The following P4HA3 variants were observed in gnomAD, a reference collection of about 807,000 sequenced individuals.
P4HA3 encodes prolyl 4-hydroxylase subunit alpha-3.
In P4HA3, 60 loss-of-function variants were observed where a neutral mutation model predicts 66.7. The ratio of observed to expected loss-of-function variants is 0.90; its 90% CI spans 0.73 to 1.12. P4HA3 has a LOEUF of 1.12. P4HA3 is among the 50% of genes most tolerant of loss of function. P4HA3 has a pLI of 0.00. For missense variants in P4HA3, 683 were observed against 685.8 expected (o/e 1.00, Z 0.05); for synonymous variants, 263 against 274.6 (o/e 0.96, Z 0.42).
chr11:74,298,372 C>G lies in P4HA3; in HGVS notation c.568-11G>C. The G allele has an allele frequency of 6.2e-7, 1 of 1,611,292 alleles. No homozygotes were observed. The highest frequency in any genetic ancestry group is 8.5e-7 in the Non-Finnish European group (1 of 1,178,796). ...CATGTCATAGGCCACCTACACAGAA[C>G]ACAAGTACCATCGCCAAAGCCTTAT... On this transcript the variant is annotated splice_polypyrimidine_tract_variant and intron_variant, in intron 3 of 12. Transcript: ENST00000331597.
At chr11:74,277,278 G>T in intron 8 of P4HA3, 134 bp from the exon 9 acceptor site, 1 of 1,170,054 alleles carries the variant, frequency 8.5e-7, no homozygotes, top group Non-Finnish European at 1.2e-6. Context: ...AGGAAAGAGA[G>T]GGAGGGAAGA....
intron 4 of P4HA3, among the ~76,000 whole-genome samples, chr11:74,296,466 A>C (rs1489794880): frequency 6.6e-6 from 1 of 152,180 alleles, no homozygotes; most frequent in Non-Finnish European, 1.5e-5. Context: ...GGTGAGGAGG[A>C]ACACAAACCA....
intron 7 of P4HA3, among the ~76,000 whole-genome samples, chr11:74,279,977 G>A (rs1860534734): frequency 6.6e-6 from 1 of 152,112 alleles, no homozygotes; most frequent in African/African-American, 2.4e-5. Context: ...GTCTGTTTTT[G>A]CTACAACCAC....
At chr11:74,303,947 C>G (rs1861497494) in intron 2 of P4HA3, among the ~76,000 whole-genome samples, 1 of 152,074 alleles carries the variant, frequency 6.6e-6, no homozygotes, top group South Asian at 2.1e-4. Flanking sequence ...ATAGATGACA[C>G]TGTAGTGACA....
chr11:74,293,002 G>T (rs949177835), intron 4 of P4HA3, among the ~76,000 whole-genome samples: 6 of 152,154 alleles, frequency 3.9e-5, no homozygotes, highest in Non-Finnish European at 7.4e-5. Context: ...GTGTATCCTT[G>T]TTAACTTTCT....
At chr11:74,299,490 C>A (rs1206815590) in intron 3 of P4HA3, among the ~76,000 whole-genome samples, 2 of 152,044 alleles carry the variant, frequency 1.3e-5, no homozygotes, top group African/African-American at 4.8e-5. Flanking sequence ...AAACGTTGAG[C>A]TGAAAAATGC....
At chr11:74,253,438 G>A in intron 15 of P4HA3, 3 of 1,555,470 alleles carry the variant, frequency 1.9e-6, no homozygotes. Context: ...GATAAGCAAG[G>A]GAAAGCTATT....
chr11:74,311,221 G>A (rs1220056757), intron 1 of P4HA3, 191 bp downstream of exon 1: 1 of 646,850 alleles, frequency 1.5e-6, no homozygotes, highest in South Asian at 2.4e-5. Context: ...GGTCTAGGGG[G>A]TCACACTGGC....
chr11:74,255,311 C>G (rs1319608308), intron 15 of P4HA3, among the ~76,000 whole-genome samples: 1 of 152,186 alleles, frequency 6.6e-6, no homozygotes, highest in Admixed American at 6.5e-5. Flanking sequence ...TCCGTGTCCC[C>G]CTCTTTTCCA....
In P4HA3 at chr11:74,266,755, A is replaced by C. The variant is rs941995547; in HGVS notation, c.*493T>G. Reference sequence around the variant, plus strand: ...AAAAAAAATCCTTATATAATGTACCACTCATCTGGGATATGCTTCTGGGAG... The same window carrying C: ...AAAAAAAATCCTTATATAATGTACCCCTCATCTGGGATATGCTTCTGGGAG... On this transcript the variant is annotated 3_prime_UTR_variant, in exon 13 of 13. Transcript: ENST00000331597. 1.1e-5 allele frequency: 4 copies of C among 365,248 alleles called. No homozygotes were observed. Among genetic ancestry groups the C allele is most frequent in the Non-Finnish European group, 2.0e-5 (4 of 203,230 alleles). 22.6% of individuals were successfully genotyped at this position (365,248 alleles called of 1,614,324 possible).
intron 15 of P4HA3, chr11:74,251,087 G>A: frequency 1.3e-6 from 2 of 1,543,082 alleles, no homozygotes; most frequent in East Asian, 2.5e-5. Context: ...CAGAAGACAA[G>A]TCTCTGAGTC....
chr11:74,303,128 A>T (rs1181175396), intron 2 of P4HA3, among the ~76,000 whole-genome samples: 1 of 151,718 alleles, frequency 6.6e-6, no homozygotes, highest in African/African-American at 2.4e-5. Flanking sequence ...ATTTAAATAA[A>T]TTTTTTTGTA....
intron 15 of P4HA3, among the ~76,000 whole-genome samples, chr11:74,257,954 A>G (rs985768133): frequency 1.3e-5 from 2 of 152,190 alleles, no homozygotes; most frequent in African/African-American, 4.8e-5. Flanking sequence ...GGGGCCTGTC[A>G]TGAGAAGTGG....
rs1859639059 is a variant in P4HA3 at position 74,250,833 on chromosome 11, G to A, written c.*1319-2832C>T. On this transcript the variant is annotated intron_variant and NMD_transcript_variant, in intron 15 of 15. Coordinates refer to the P4HA3 transcript ENST00000524388. ...CAGCAAGACTTGATAATTGGGTCCA[G>A]AGTATTGAGGTGAGGTTGGAAATGG... 3 of 758,594 alleles carry A rather than the reference G, an allele frequency of 4.0e-6. No homozygotes were observed. The Admixed American group carries it at 6.6e-5, about 17-fold the overall frequency. The allele number at this position is 758,594 out of a possible 1,614,324, so 47.0% of individuals were successfully genotyped here.
intron 8 of P4HA3, among the ~76,000 whole-genome samples, chr11:74,278,187 AT>A (rs1435066312): frequency 1.3e-5 from 2 of 151,852 alleles, no homozygotes; most frequent in African/African-American, 4.9e-5. Context: ...TTTAAGCCAA[AT>A]TTTGAAGAGT....
At chr11:74,275,998 C>A (rs549302628) in intron 9 of P4HA3, among the ~76,000 whole-genome samples, 6 of 152,260 alleles carry the variant, frequency 3.9e-5, no homozygotes, top group African/African-American at 1.4e-4. Context: ...ATTTCCTCTG[C>A]AGCAACATGG....
rs116987548 is a variant in P4HA3, at chr11:74,287,371, A to G, written c.770-980T>C. On this transcript the variant is annotated intron_variant, in intron 5 of 12. Coordinates refer to ENST00000331597, the MANE Select transcript of P4HA3 (RefSeq NM_182904.5). Reference sequence around the variant, plus strand: ...AGAAGTGAAGTTTTGGAGAATGGAAATTATAAGCCCAAACCCCAGTGAAAA... The same window carrying G: ...AGAAGTGAAGTTTTGGAGAATGGAAGTTATAAGCCCAAACCCCAGTGAAAA... The G allele has an allele frequency of 2.7e-3, 3,303 of 1,239,948 alleles. 17 individuals carry two copies. The highest frequency in any genetic ancestry group is 9.2e-3 in the Admixed American group (401 of 43,412). The allele number at this position is 1,239,948 out of a possible 1,614,324, so 76.8% of individuals were successfully genotyped here.
In P4HA3 at chr11:74,267,959, C is replaced by A. The variant is rs1860045848; in HGVS notation, c.1564+186G>T. ...ACTGACTGTCACTCTGTAACAGGAA[C>A]CCCTGCCTGTTATAGGCTCCCAGTC... On this transcript the variant is annotated intron_variant, in intron 12 of 12. Coordinates refer to ENST00000331597, the MANE Select transcript of P4HA3 (RefSeq NM_182904.5). Among the ~76,000 whole-genome samples the A allele has an allele frequency of 2.0e-5, 3 of 152,284 alleles. No homozygotes were observed. The Middle Eastern group carries it at 0.01, about 518-fold the overall frequency.
At chr11:74,251,882 A>G (rs764440095) in intron 15 of P4HA3, 2 of 924,258 alleles carry the variant, frequency 2.2e-6, no homozygotes, top group East Asian at 2.4e-5. Flanking sequence ...CTACAAAGCC[A>G]TGGTTGGTTG....
Sources: allele counts gnomAD v4.1 joint callset (sites outside exome capture counted in the v4.1 genomes callset), GRCh38; gene constraint gnomAD v4.1.1; transcripts MANE v1.5; gene names NCBI Gene and HGNC (gene_info 2026-07-23, HGNC 2026-07-21).